Variants in CMC2 observed in about 807,000 individuals in gnomAD.
CMC2 encodes the protein C-X9-C motif containing 2, also known as COX assembly mitochondrial protein 2 homolog.
Under a neutral mutation model 7.5 loss-of-function variants are expected in CMC2, and 5 were observed. That is an observed-to-expected ratio of 0.66 (90% CI 0.35 to 1.40). CMC2 has a LOEUF of 1.40. CMC2 is among the 40% of genes most tolerant of loss of function. The probability of loss-of-function intolerance (pLI) is 0.04; values close to 1 mark genes in which losing one functional copy is unlikely to be tolerated. For missense variants in CMC2, 115 were observed against 92.3 expected, an observed-to-expected ratio of 1.25 and a Z score of -1.01; for synonymous variants, 37 against 31.4, an observed-to-expected ratio of 1.18 and a Z score of -0.60.
At chr16:80,984,509 T>A (rs929680636) in intron 2 of CMC2, among the ~76,000 whole-genome samples, 4 of 152,248 alleles carry the variant, frequency 2.6e-5, no homozygotes, top group African/African-American at 7.2e-5. Context: ...GACTAAAGTC[T>A]CCTATTTGTT....
chr16:81,003,595 G>T (rs1381948225), intron 1 of CMC2, among the ~76,000 whole-genome samples: 1 of 152,174 alleles, frequency 6.6e-6, no homozygotes, highest in African/African-American at 2.4e-5. Context: ...TTTAATCCAT[G>T]TTCAAAATAG....
intron 2 of CMC2, among the ~76,000 whole-genome samples, chr16:80,989,286 C>G (rs1967788031): frequency 6.6e-6 from 1 of 152,152 alleles, no homozygotes; most frequent in Non-Finnish European, 1.5e-5. Context: ...CTAATTCTAG[C>G]ACTCCTCTTA....
In CMC2 at chr16:80,975,986, C is replaced by G. The variant is rs1255722419; in HGVS notation, c.*107G>C. The G allele has an allele frequency of 2.9e-6, 2 of 695,886 alleles. No individual in the cohort carries two copies. Among genetic ancestry groups the G allele is most frequent in the East Asian group, 2.7e-5 (1 of 36,844 alleles). The allele number at this position is 695,886 out of a possible 1,614,324, so 43.1% of individuals were successfully genotyped here. On this transcript the variant is annotated 3_prime_UTR_variant, in exon 4 of 4. Coordinates refer to ENST00000219400, the MANE Select transcript of CMC2 (RefSeq NM_020188.5). ...CCATGGTTCAATCTCTCACAGGTCA[C>G]TTTCCATTCAAAGGATTATGGAGAC...
intron 3 of CMC2, 91 bp downstream of exon 3, chr16:80,981,714 TG>T: frequency 1.3e-6 from 1 of 761,632 alleles, no homozygotes. Flanking sequence ...CACTAAAATG[TG>T]GGAAAAATTC....
intron 2 of CMC2, chr16:80,996,937 T>C (rs1195971945): frequency 4.8e-6 from 2 of 416,470 alleles, no homozygotes; most frequent in East Asian, 1.4e-4. Flanking sequence ...AAACACAGAA[T>C]GGTAGCCATC....
At chr16:80,997,975 T>C (rs1271554466) in intron 1 of CMC2, 4 of 152,024 alleles carry the variant, frequency 2.6e-5, no homozygotes, top group African/African-American at 9.7e-5. Context: ...TTAACAGATA[T>C]AGCCATAAAA....
rs1912159714 is a variant in CMC2 at position 80,974,773 on chromosome 16, G to A, written c.*1320C>T. On this transcript the variant is annotated 3_prime_UTR_variant, in exon 4 of 4. Coordinates refer to ENST00000219400, the MANE Select transcript of CMC2 (RefSeq NM_020188.5). ...TCTCATTTCTGTATTTCTACTGCCT[G>A]ACACTAGGGGGACTGAATAAATATT... 6.6e-6 allele frequency: 1 copy of A among 152,206 alleles called. No individual in the cohort carries two copies. Among genetic ancestry groups the A allele is most frequent in the South Asian group, 2.1e-4 (1 of 4,832 alleles). 9.4% of individuals were successfully genotyped at this position (152,206 alleles called of 1,614,324 possible).
chr16:80,983,994 A>G (rs76458433), intron 2 of CMC2: 29 of 108,548 alleles, frequency 2.7e-4, no homozygotes, highest in Middle Eastern at 4.5e-3. Context: ...AAAAAAAAAG[A>G]AAAAAAAACC....
At chr16:80,979,032 G>A (rs1020540700) in intron 3 of CMC2, among the ~76,000 whole-genome samples, 1 of 151,854 alleles carries the variant, frequency 6.6e-6, no homozygotes, top group Non-Finnish European at 1.5e-5. Flanking sequence ...AGTGGGCTGA[G>A]ATTGCGCCAC....
intron 2 of CMC2, chr16:80,984,147 A>C (rs1269474903): frequency 6.6e-6 from 1 of 152,208 alleles, no homozygotes; most frequent in Non-Finnish European, 1.5e-5. Flanking sequence ...TTATCGTGGC[A>C]AAAAGTATGC....
Position 80,970,689 on chromosome 16 carries a change from T to C in CMC2, c.*5404A>G, listed in dbSNP as rs1434870470. Reference sequence around the variant, plus strand: ...ACATAGAAAAATCTAAAATAATCTATAGGCCCCAGAATTATTAAGAAAGTT... The same window carrying C: ...ACATAGAAAAATCTAAAATAATCTACAGGCCCCAGAATTATTAAGAAAGTT... On this transcript the variant is annotated 3_prime_UTR_variant, in exon 4 of 4. Transcript: ENST00000219400. The C allele has an allele frequency of 2.6e-5, 4 of 152,198 alleles. No homozygotes were observed. Among genetic ancestry groups the C allele is most frequent in the African/African-American group, 9.6e-5 (4 of 41,456 alleles). 9.4% of individuals were successfully genotyped at this position (152,198 alleles called of 1,614,324 possible).
At position 80,988,423 on chromosome 16, in the gene CMC2, C is replaced by T. The variant is rs1000630827; in HGVS notation, c.82-6546G>A. On this transcript the variant is annotated intron_variant, in intron 2 of 3. Transcript: ENST00000219400. ...TAGGTAAAGTATTTCTTGATGACAG[C>T]AGATGTCTTTAAAAACATTTGTCAA... 4 of 636,456 alleles carry T rather than the reference C, an allele frequency of 6.3e-6. No individual in the cohort carries two copies. In the African/African-American group the frequency reaches 7.4e-5, roughly 12 times the overall value. The allele number at this position is 636,456 out of a possible 1,614,324, so 39.4% of individuals were successfully genotyped here. A position where few individuals can be genotyped will look rare whatever the true frequency, so the allele number is the denominator to read the frequency against.
At chr16:80,982,618 C>T (rs1967212298) in intron 2 of CMC2, 1 of 146,052 alleles carries the variant, frequency 6.8e-6, no homozygotes, top group South Asian at 2.2e-4. Context: ...TCAAAACTAA[C>T]ACACACACAG....
chr16:80,982,043 T>C (rs1967159990), intron 2 of CMC2, among the ~76,000 whole-genome samples, 166 bp from the exon 3 acceptor site: 1 of 152,168 alleles, frequency 6.6e-6, no homozygotes, highest in African/African-American at 2.4e-5. Flanking sequence ...TTGAACAACA[T>C]GGATTTGAAC....
chr16:80,978,594 G>A (rs1966871357), intron 3 of CMC2, among the ~76,000 whole-genome samples: 5 of 151,960 alleles, frequency 3.3e-5, no homozygotes, highest in Admixed American at 1.3e-4. Context: ...AAAAGGCCAG[G>A]TGCAGTGGCT....
rs1241097336 is a variant in CMC2 at position 80,988,548 on chromosome 16, C to T, written c.82-6671G>A. The T allele has an allele frequency of 1.4e-5, 10 of 701,850 alleles. No individual in the cohort carries two copies. The Admixed American group carries it at 1.8e-4, about 13-fold the overall frequency. 43.5% of individuals were successfully genotyped at this position (701,850 alleles called of 1,614,324 possible). On this transcript the variant is annotated intron_variant, in intron 2 of 3. Coordinates refer to ENST00000219400, the MANE Select transcript of CMC2 (RefSeq NM_020188.5). ...ATCCTTCTAGCTCTTACATATACAC[C>T]CGAGCTTTTCTTCTGAACCGAGTAA...
Position 80,976,012 on chromosome 16 carries a change from CAA to C in CMC2, c.*79_*80del, listed in dbSNP as rs1045624033. The C allele has an allele frequency of 3.5e-5, 28 of 790,336 alleles. No homozygotes were observed. The highest frequency in any genetic ancestry group is 5.9e-5 in the Non-Finnish European group (27 of 454,736). The allele number at this position is 790,336 out of a possible 1,614,324, so 49.0% of individuals were successfully genotyped here. On this transcript the variant is annotated 3_prime_UTR_variant, in exon 4 of 4. Transcript: ENST00000219400. ...TTTCCATTCAAAGGATTATGGAGAC[CAA>C]ATAAGACAGGATTCTTTCAGGTATC...
intron 2 of CMC2, among the ~76,000 whole-genome samples, chr16:80,986,108 G>A (rs931060556): frequency 3.9e-5 from 6 of 152,290 alleles, no homozygotes; most frequent in African/African-American, 1.4e-4. Flanking sequence ...AGCACTTTGG[G>A]AGGCCCAGGC....
At chr16:80,990,180 T>G (rs1230541029) in intron 2 of CMC2, among the ~76,000 whole-genome samples, 1 of 152,138 alleles carries the variant, frequency 6.6e-6, no homozygotes, top group African/African-American at 2.4e-5. Context: ...TTTTTTTCTG[T>G]TGTTTTTTGA....
Sources: allele counts gnomAD v4.1 joint callset (sites outside exome capture counted in the v4.1 genomes callset), GRCh38; gene constraint gnomAD v4.1.1; transcripts MANE v1.5; gene names NCBI Gene and HGNC (gene_info 2026-07-23, HGNC 2026-07-21).